Variants in AKAP1 observed in about 807,000 individuals in gnomAD.
AKAP1 encodes the protein A-kinase anchor protein 1, mitochondrial.
A neutral mutation model predicts 79.8 loss-of-function variants in AKAP1; 32 were observed. That is an observed-to-expected ratio of 0.40 (90% CI 0.30 to 0.54). The LOEUF is 0.54. Ranked by LOEUF, AKAP1 falls within the 20% of genes least tolerant of loss-of-function variation. The probability of loss-of-function intolerance (pLI) is 0.47; values close to 1 mark genes in which losing one functional copy is unlikely to be tolerated. For synonymous variants in AKAP1, 416 were observed against 466.7 expected (o/e 0.89, Z 1.40); for missense variants, 961 against 1,138.9 (o/e 0.84, Z 2.25).
chr17:57,111,465 C>T (rs1369927110), intron 3 of AKAP1, among the ~76,000 whole-genome samples: 1 of 152,196 alleles, frequency 6.6e-6, no homozygotes, highest in Non-Finnish European at 1.5e-5. Context: ...CTTTCCGGGT[C>T]TGGGCCACAT....
intron 9 of AKAP1, 125 bp downstream of exon 9, chr17:57,118,579 G>C (rs1915732092): frequency 1.1e-6 from 1 of 888,162 alleles, no homozygotes; most frequent in African/African-American, 1.7e-5. Flanking sequence ...GGTGCATGAA[G>C]TAGCTAATAC....
At chr17:57,103,699 C>T (rs1040061457) in intron 1 of AKAP1, among the ~76,000 whole-genome samples, 3 of 152,202 alleles carry the variant, frequency 2.0e-5, no homozygotes, top group African/African-American at 7.2e-5. Context: ...AAAGACATTA[C>T]TTTGGCAGAG....
intron 4 of AKAP1, 135 bp downstream of exon 4, chr17:57,112,059 TC>T (rs774779513): frequency 8.4e-7 from 1 of 1,186,398 alleles, no homozygotes; most frequent in Non-Finnish European, 1.2e-6. Flanking sequence ...GCATTAGGTA[TC>T]TTCCCTGCAG....
At chr17:57,090,280 CACTT>C (rs1385273718) in intron 1 of AKAP1, among the ~76,000 whole-genome samples, 3 of 151,382 alleles carry the variant, frequency 2.0e-5, no homozygotes, top group African/African-American at 7.3e-5. Flanking sequence ...GCATAAAGGA[CACTT>C]ACTGATGAGC....
At chr17:57,114,675 G>A (rs1303925955) in intron 6 of AKAP1, 39 bp downstream of exon 6, 3 of 1,577,110 alleles carry the variant, frequency 1.9e-6, no homozygotes, top group Non-Finnish European at 2.6e-6. Context: ...GGGGACCCCT[G>A]GGGTTGCCTG....
At chr17:57,113,911 G>A (rs1047001796) in intron 5 of AKAP1, among the ~76,000 whole-genome samples, 4 of 152,130 alleles carry the variant, frequency 2.6e-5, no homozygotes, top group Admixed American at 2.6e-4. Context: ...CCTGACCTGA[G>A]GCCACTGCTT....
intron 1 of AKAP1, among the ~76,000 whole-genome samples, chr17:57,100,645 C>T (rs557016953): frequency 1.2e-4 from 18 of 152,188 alleles, no homozygotes; most frequent in Admixed American, 1.2e-3. Context: ...AACAAACAAA[C>T]AAACTGACCG....
At chr17:57,118,522 T>A (rs891648480) in intron 9 of AKAP1, 68 bp downstream of exon 9, 8 of 1,515,810 alleles carry the variant, frequency 5.3e-6, no homozygotes, top group Non-Finnish European at 6.4e-6. Flanking sequence ...TTCAATGCCT[T>A]CTTTCCTGTG....
rs895728229 is a variant in AKAP1 at position 57,105,913 on chromosome 17, C to T, written c.449C>T (p.Ser150Leu). The change falls in exon 2 of 11, where the codon TCA becomes TTA. Residue 150 changes from serine to leucine, a missense_variant. Transcript: ENST00000337714. The stretch of plus-strand genomic sequence containing the variant: ...TCGATTCCTCTAGAGTGCCCCCTTT[C>T]ATCCCCAAAGGGTGTACTATTCTCC... ...AKSIPLECPL[S>L]SPKGVLFSSK... is the part of the protein sequence containing the mutation. 4.3e-6 allele frequency: 7 copies of T among 1,614,244 alleles called. No homozygotes were observed. The South Asian group carries it at 5.5e-5, about 13-fold the overall frequency.
intron 1 of AKAP1, among the ~76,000 whole-genome samples, chr17:57,098,161 G>A (rs926564553): frequency 2.0e-5 from 3 of 152,214 alleles, no homozygotes; most frequent in Non-Finnish European, 4.4e-5. Flanking sequence ...TGAGGCCTGT[G>A]GCTGTAGCAC....
Position 57,110,859 on chromosome 17 carries a change from A to G in AKAP1, c.1848+701A>G, listed in dbSNP as rs550247149. On this transcript the variant is annotated intron_variant, in intron 3 of 10. Coordinates refer to ENST00000337714, the MANE Select transcript of AKAP1 (RefSeq NM_003488.4). ...CTTAAGTGGTTTCGAGCTTCTTGCTATTAGAACTTACAACATATTAGCTTG... is the reference window on the plus strand; with the variant it reads ...CTTAAGTGGTTTCGAGCTTCTTGCTGTTAGAACTTACAACATATTAGCTTG... Among the ~76,000 whole-genome samples, 5 of 152,256 alleles carry G rather than the reference A, an allele frequency of 3.3e-5. No individual in the cohort carries two copies. The South Asian group carries it at 6.2e-4, about 19-fold the overall frequency.
chr17:57,114,443 C>T lies in AKAP1; in HGVS notation c.2104-16C>T, dbSNP rs1164493938. The T allele has an allele frequency of 1.2e-6, 2 of 1,612,752 alleles. No individual in the cohort carries two copies. Among genetic ancestry groups the T allele is most frequent in the Admixed American group, 3.3e-5 (2 of 59,978 alleles). On this transcript the variant is annotated splice_polypyrimidine_tract_variant and intron_variant, in intron 5 of 10. Transcript: ENST00000337714. ...GAAGGATTGTTTCAGTGACCGCTCC[C>T]CCTTCCCCTCTACAGCTCATGCTGC...
rs185016783 is a variant in AKAP1 at position 57,107,659 on chromosome 17, C to T, written c.1714+481C>T. 1.3e-4 allele frequency among the ~76,000 whole-genome samples: 20 copies of T among 151,898 alleles called. No individual in the cohort carries two copies. In the East Asian group the frequency reaches 3.9e-3, roughly 29 times the overall value. The stretch of plus-strand genomic sequence containing the variant: ...AGCCCATTTTTTTTTCTTTTTTAAA[C>T]ACTAACCTCTTTGTGTGTGCGTGTG... On this transcript the variant is annotated intron_variant, in intron 2 of 10. Coordinates refer to ENST00000337714, the MANE Select transcript of AKAP1 (RefSeq NM_003488.4).
Position 57,120,493 on chromosome 17 carries a change from G to A in AKAP1, c.*169G>A, listed in dbSNP as rs1915862729. ...CATTTCGTCTCTGAGAAAAAAGGAT[G>A]GAACTATGGGTTCTCTTCGCAAAGC... is the stretch of plus-strand genomic sequence containing the variant. On this transcript the variant is annotated 3_prime_UTR_variant, in exon 11 of 11. Coordinates refer to ENST00000337714, the MANE Select transcript of AKAP1 (RefSeq NM_003488.4). The A allele has an allele frequency of 8.6e-6, 5 of 580,354 alleles. No individual in the cohort carries two copies. In the Admixed American group the frequency reaches 1.1e-4, roughly 13 times the overall value. 36.0% of individuals were successfully genotyped at this position (580,354 alleles called of 1,614,324 possible).
Position 57,112,462 on chromosome 17 carries a change from T to G in AKAP1, c.1976-29T>G, listed in dbSNP as rs756845747. 2.5e-6 allele frequency: 4 copies of G among 1,606,830 alleles called. No homozygotes were observed. In the South Asian group the frequency reaches 4.5e-5, roughly 18 times the overall value. On this transcript the variant is annotated intron_variant, in intron 4 of 10. Transcript: ENST00000337714. The stretch of plus-strand genomic sequence containing the variant: ...GGTGTGAGTTTCCTCTTACAGTGAT[T>G]GTATGTCCTGCCCCCATCCGCTATT...
At chr17:57,090,419 C>T (rs1913714564) in intron 1 of AKAP1, among the ~76,000 whole-genome samples, 1 of 151,940 alleles carries the variant, frequency 6.6e-6, no homozygotes, top group African/African-American at 2.4e-5. Flanking sequence ...TAAACTGGTC[C>T]CTGGACACAG....
Position 57,120,620 on chromosome 17 carries a change from T to G in AKAP1, c.*296T>G. The G allele has an allele frequency of 1.2e-5, 3 of 256,436 alleles. No homozygotes were observed. Among genetic ancestry groups the G allele is most frequent in the Non-Finnish European group, 7.5e-6 (1 of 134,094 alleles). The allele number at this position is 256,436 out of a possible 1,614,324, so 15.9% of individuals were successfully genotyped here. Reference sequence around the variant, plus strand: ...AAACAGTTTCAACCAGATTGTCCTATTCCCCCTGTTCCATTCCCCTCTTCT... The same window carrying G: ...AAACAGTTTCAACCAGATTGTCCTAGTCCCCCTGTTCCATTCCCCTCTTCT... On this transcript the variant is annotated 3_prime_UTR_variant, in exon 11 of 11. Transcript: ENST00000337714.
chr17:57,113,245 T>A (rs1309283231), intron 5 of AKAP1, among the ~76,000 whole-genome samples: 1 of 152,220 alleles, frequency 6.6e-6, no homozygotes, highest in African/African-American at 2.4e-5. Flanking sequence ...GTGGCCCATA[T>A]CCTGCCGTGT....
At chr17:57,119,335 C>T (rs948146939) in intron 10 of AKAP1, among the ~76,000 whole-genome samples, 1 of 152,122 alleles carries the variant, frequency 6.6e-6, no homozygotes, top group Admixed American at 6.5e-5. Context: ...AAACCCTGTG[C>T]GAGACTTTCT....
Sources: allele counts gnomAD v4.1 joint callset (sites outside exome capture counted in the v4.1 genomes callset), GRCh38; gene constraint gnomAD v4.1.1; transcripts MANE v1.5; gene names NCBI Gene and HGNC (gene_info 2026-07-23, HGNC 2026-07-21).